The following PCTP variants were observed in gnomAD, a reference collection of about 807,000 sequenced individuals.
PCTP encodes START domain-containing protein 2.
A neutral mutation model predicts 31.0 loss-of-function variants in PCTP; 27 were observed. The ratio of observed to expected loss-of-function variants is 0.87; its 90% CI spans 0.64 to 1.20. The LOEUF (loss-of-function observed/expected upper bound fraction) is 1.20, where lower values mean the gene tolerates loss of function less well. PCTP is among the 50% of genes most tolerant of loss of function. The pLI is 0.00. For missense variants in PCTP, 287 were observed against 268.2 expected, an observed-to-expected ratio of 1.07 and a Z score of -0.49; for synonymous variants, 108 against 101.2, an observed-to-expected ratio of 1.07 and a Z score of -0.40.
Position 55,767,439 on chromosome 17 carries a change from C to G in PCTP, c.246C>G (p.Asp82Glu), listed in dbSNP as rs1910728672. The change falls in exon 2 of 6, where the codon GAC becomes GAG. Residue 82 changes from aspartate to glutamate, a missense_variant. Transcript: ENST00000268896. Reference protein sequence around the residue: ...YMDSDYRKQWDQYVKELYEQE... With the variant: ...YMDSDYRKQWEQYVKELYEQE... ...ACTCAGATTACAGAAAACAATGGGA[C>G]CAGTATGTTAAAGGTGAGTGATGCT... is the stretch of plus-strand genomic sequence containing the variant. 1.2e-6 allele frequency: 2 copies of G among 1,600,870 alleles called. No individual in the cohort carries two copies. The highest frequency in any genetic ancestry group is 1.7e-6 in the Non-Finnish European group (2 of 1,169,470).
intron 3 of PCTP, among the ~76,000 whole-genome samples, chr17:55,806,027 G>T (rs1318237016): frequency 2.0e-5 from 3 of 152,014 alleles, no homozygotes. Context: ...CTAATACAGG[G>T]TGGGTTCTCC....
At position 55,790,308 on chromosome 17, in the gene PCTP, A is replaced by G. The variant is rs199850947; in HGVS notation, c.317+2654A>G. Among the ~76,000 whole-genome samples, 850 of 152,244 alleles carry G rather than the reference A, an allele frequency of 5.6e-3. 20 individuals are homozygous for G. Among genetic ancestry groups the G allele is most frequent in the East Asian group, 0.055 (284 of 5,172 alleles). On this transcript the variant is annotated intron_variant, in intron 3 of 3. Transcript: ENST00000572536. ...AGTGTTGGAAGTTCTGGCCAGGGCAATTAGGCAGGAGAAGGAAATAAAGGG... is the reference window on the plus strand; with the variant it reads ...AGTGTTGGAAGTTCTGGCCAGGGCAGTTAGGCAGGAGAAGGAAATAAAGGG...
chr17:55,830,046 TA>T (rs67215702), intron 5 of PCTP, among the ~76,000 whole-genome samples: 8,111 of 152,302 alleles, frequency 0.053, 208 homozygotes, highest in African/African-American at 0.059. Context: ...GAATTTATAT[TA>T]CTTGAATTCT....
At chr17:55,819,476 C>T (rs111758116) in intron 3 of PCTP, among the ~76,000 whole-genome samples, 2,348 of 152,238 alleles carry the variant, frequency 0.015, 39 homozygotes, top group African/African-American at 0.042. Context: ...GGTGCAGAGG[C>T]TCATGCCTGT....
chr17:55,796,828 GA>G (rs1209247489), intron 3 of PCTP, among the ~76,000 whole-genome samples: 1 of 151,638 alleles, frequency 6.6e-6, no homozygotes, highest in South Asian at 2.1e-4. Flanking sequence ...TGGTAAAGAG[GA>G]AAAAAAGATT....
the PCTP span, among the ~76,000 whole-genome samples, chr17:55,849,643 G>C: frequency 2.1e-3 from 319 of 151,820 alleles, no homozygotes; most frequent in Non-Finnish European, 3.5e-3. Context: ...TAAATAAATA[G>C]AAATAAAAAA....
In PCTP at chr17:55,772,535, C is replaced by T. The variant is rs374454415; in HGVS notation, c.340-1189C>T. Among the ~76,000 whole-genome samples, 23 of 143,580 alleles carry T rather than the reference C, an allele frequency of 1.6e-4. 1 individual carries two copies. Among genetic ancestry groups the T allele is most frequent in the Admixed American group, 7.9e-4 (11 of 13,936 alleles). 94.2% of individuals were successfully genotyped at this position (143,580 alleles called of 152,430 possible). A position where few individuals can be genotyped will look rare whatever the true frequency, so the allele number is the denominator to read the frequency against. On this transcript the variant is annotated intron_variant, in intron 3 of 5. Transcript: ENST00000268896. ...CCAGGAGGTGGAGGTTGCAGTGAGC[C>T]GAGATCGTGACACTCTACTCCAGTC...
intron 5 of PCTP, among the ~76,000 whole-genome samples, chr17:55,840,650 T>G (rs2145093137): frequency 6.6e-6 from 1 of 152,338 alleles, no homozygotes; most frequent in South Asian, 2.1e-4. Flanking sequence ...TGGCATATTG[T>G]TATAATTGTT....
chr17:55,765,266 A>C (rs2144937583), intron 1 of PCTP, among the ~76,000 whole-genome samples: 1 of 152,336 alleles, frequency 6.6e-6, no homozygotes, highest in South Asian at 2.1e-4. Flanking sequence ...CGAGAACTGT[A>C]GCTGCCTATG....
intron 1 of PCTP, among the ~76,000 whole-genome samples, chr17:55,757,422 CTGG>C (rs1910095263): frequency 6.7e-6 from 1 of 149,512 alleles, no homozygotes; most frequent in Admixed American, 6.7e-5. Context: ...AAGTAGTATC[CTGG>C]TTTTGCAAAT....
At chr17:55,850,764 C>T in the PCTP span, among the ~76,000 whole-genome samples, 3 of 151,970 alleles carry the variant, frequency 2.0e-5, no homozygotes, top group Non-Finnish European at 4.4e-5. Context: ...TATTTTTCTC[C>T]TCTATAAAAA....
At chr17:55,826,605 A>G (rs1171395374), downstream of PCTP, among the ~76,000 whole-genome samples, 1 of 152,246 alleles carries the variant, frequency 6.6e-6, no homozygotes. Context: ...GGCTACAGCC[A>G]TAACGCTAAA....
chr17:55,796,120 A>T (rs528586397), intron 3 of PCTP, among the ~76,000 whole-genome samples: 2 of 152,138 alleles, frequency 1.3e-5, no homozygotes, highest in Non-Finnish European at 2.9e-5. Flanking sequence ...AGACCTTTGG[A>T]TTGCAGGAAT....
intron 3 of PCTP, among the ~76,000 whole-genome samples, chr17:55,788,156 G>A (rs1429460877): frequency 6.6e-6 from 1 of 152,110 alleles, no homozygotes; most frequent in Non-Finnish European, 1.5e-5. Flanking sequence ...CTGTACTTGT[G>A]TAATTGATTA....
chr17:55,795,649 C>T (rs1050083971), intron 3 of PCTP, among the ~76,000 whole-genome samples: 6 of 151,990 alleles, frequency 3.9e-5, no homozygotes, highest in African/African-American at 7.2e-5. Context: ...TTAAATGTGG[C>T]GTGATGCCTT....
chr17:55,761,571 A>G (rs540344339), intron 1 of PCTP, among the ~76,000 whole-genome samples: 503 of 147,808 alleles, frequency 3.4e-3, no homozygotes, highest in African/African-American at 0.01. Context: ...ATATATAAAT[A>G]TATGTAATAT....
intron 5 of PCTP, among the ~76,000 whole-genome samples, chr17:55,841,074 CGTATGT>C (rs1382468653): frequency 6.6e-6 from 1 of 152,028 alleles, no homozygotes; most frequent in Non-Finnish European, 1.5e-5. Flanking sequence ...GTAATTGATA[CGTATGT>C]GTATGTGTGT....
At chr17:55,812,332 C>T (rs1912778330) in intron 3 of PCTP, among the ~76,000 whole-genome samples, 1 of 152,156 alleles carries the variant, frequency 6.6e-6, no homozygotes, top group Admixed American at 6.6e-5. Flanking sequence ...TCACAACACC[C>T]ATAAGAGGTA....
chr17:55,844,891 C>T (rs1346314968), downstream of PCTP, among the ~76,000 whole-genome samples: 3 of 151,694 alleles, frequency 2.0e-5, no homozygotes, highest in Non-Finnish European at 1.5e-5. Context: ...GATTGGAGAC[C>T]AGCCTGACCA....
Sources: allele counts gnomAD v4.1 joint callset (sites outside exome capture counted in the v4.1 genomes callset), GRCh38; gene constraint gnomAD v4.1.1; transcripts MANE v1.5; gene names NCBI Gene and HGNC (gene_info 2026-07-23, HGNC 2026-07-21).